The following PTPRO variants were observed in gnomAD, a reference collection of about 807,000 sequenced individuals.
PTPRO encodes receptor-type tyrosine-protein phosphatase O.
PTPRO carries 62 observed loss-of-function variants against 145.2 expected under a neutral mutation model. The ratio of observed to expected loss-of-function variants is 0.43; its 90% CI spans 0.35 to 0.53. The LOEUF is 0.53. Among genes scored for constraint, PTPRO ranks in the 20% least tolerant of loss-of-function variants. PTPRO has a pLI of 0.01. For synonymous variants in PTPRO, 565 were observed against 514.7 expected, an observed-to-expected ratio of 1.10 and a Z score of -1.32; for missense variants, 1,345 against 1,482.7, an observed-to-expected ratio of 0.91 and a Z score of 1.53.
At chr12:15,395,778 T>A (rs996671025) in intron 1 of PTPRO, among the ~76,000 whole-genome samples, 1 of 150,980 alleles carries the variant, frequency 6.6e-6, no homozygotes, top group South Asian at 2.1e-4. Flanking sequence ...TTATTGTTCC[T>A]TAATATATGA....
chr12:15,360,874 A>ATACATATATGTGTG, intron 1 of PTPRO, among the ~76,000 whole-genome samples: 2 of 139,650 alleles, frequency 1.4e-5, no homozygotes, highest in African/African-American at 2.6e-5. Context: ...ATGTGTGTAT[A>ATACATATATGTGTG]TACACACATA....
chr12:15,458,521 T>A (rs1296713189), intron 1 of PTPRO, among the ~76,000 whole-genome samples: 2 of 151,850 alleles, frequency 1.3e-5, no homozygotes, highest in Non-Finnish European at 2.9e-5. Flanking sequence ...TGAGCTTTTA[T>A]CACTCTTTTT....
At chr12:15,373,469 T>C (rs1253666558) in intron 1 of PTPRO, among the ~76,000 whole-genome samples, 2 of 152,206 alleles carry the variant, frequency 1.3e-5, no homozygotes, top group African/African-American at 4.8e-5. Context: ...GAAGTCTATA[T>C]GAATCTATTA....
intron 1 of PTPRO, among the ~76,000 whole-genome samples, chr12:15,381,901 C>G (rs1407905268): frequency 2.0e-5 from 3 of 151,924 alleles, no homozygotes; most frequent in Non-Finnish European, 4.4e-5. Flanking sequence ...AATTTTTAAA[C>G]TCTGAGTTTA....
intron 1 of PTPRO, among the ~76,000 whole-genome samples, chr12:15,425,626 T>G (rs1445407020): frequency 6.6e-6 from 1 of 152,170 alleles, no homozygotes; most frequent in African/African-American, 2.4e-5. Flanking sequence ...TGCAATGTAT[T>G]CTTGTGCATG....
At chr12:15,590,722 A>G (rs985410688) in intron 25 of PTPRO, among the ~76,000 whole-genome samples, 1 of 152,166 alleles carries the variant, frequency 6.6e-6, no homozygotes, top group African/African-American at 2.4e-5. Flanking sequence ...ATCCTCGTTA[A>G]TATTCAGACC....
intron 1 of PTPRO, among the ~76,000 whole-genome samples, chr12:15,433,171 C>CTTTTTTTTTTT (rs55746632): frequency 9.6e-6 from 1 of 103,644 alleles, no homozygotes; most frequent in Non-Finnish European, 2.0e-5. Context: ...CAGTTTGGGG[C>CTTTTTTTTTTT]TTTTTTTTTT....
intron 1 of PTPRO, among the ~76,000 whole-genome samples, chr12:15,390,687 T>C (rs539017710): frequency 5.0e-4 from 76 of 152,260 alleles, no homozygotes; most frequent in African/African-American, 1.7e-3. Context: ...CAAAGTGAGA[T>C]ACCATAAGGC....
At position 15,587,360 on chromosome 12, in the gene PTPRO, C is replaced by A. The variant is rs10846216; in HGVS notation, c.3410+309C>A. 0.18 allele frequency among the ~76,000 whole-genome samples: 26,686 copies of A among 152,068 alleles called. 2,520 individuals are homozygous for A. Among genetic ancestry groups the A allele is most frequent in the East Asian group, 0.26 (1,330 of 5,166 alleles). ...GGAGGAGTTAGTATTCAAATCCAGG[C>A]ATGCCAATCTGCAAAGATCATGCCC... On this transcript the variant is annotated intron_variant, in intron 24 of 26. Coordinates refer to ENST00000281171, the MANE Select transcript of PTPRO (RefSeq NM_030667.3).
Position 15,581,664 on chromosome 12 carries a change from T to C in PTPRO, c.3133-15T>C, listed in dbSNP as rs758530310. On this transcript the variant is annotated splice_polypyrimidine_tract_variant and intron_variant, in intron 22 of 26. Transcript: ENST00000281171. ...AGCCTGTTTGTTTTAAAAAATTGTT[T>C]TGTCCTTGCTCCAGGTGAAATGTGA... is the stretch of plus-strand genomic sequence containing the variant. The C allele has an allele frequency of 1.9e-6, 3 of 1,613,518 alleles. No homozygotes were observed. Among genetic ancestry groups the C allele is most frequent in the Non-Finnish European group, 2.5e-6 (3 of 1,179,634 alleles).
chr12:15,462,864 C>T (rs1177014425), intron 1 of PTPRO, among the ~76,000 whole-genome samples: 3 of 152,056 alleles, frequency 2.0e-5, no homozygotes. Context: ...CTAAAAATTT[C>T]TTTCTTACTT....
At chr12:15,330,679 T>A (rs886646793) in intron 1 of PTPRO, among the ~76,000 whole-genome samples, 1 of 152,184 alleles carries the variant, frequency 6.6e-6, no homozygotes, top group African/African-American at 2.4e-5. Flanking sequence ...CTCTTCCAGT[T>A]CTATAGTCAG....
At position 15,474,836 on chromosome 12, in the gene PTPRO, C is replaced by T. The variant is rs547945410; in HGVS notation, c.76-9138C>T. ...AGAATTTTCTCCTGAACATAGATTC[C>T]AGGAAAAGCTAAGGTAAAGAAGACA... is the stretch of plus-strand genomic sequence containing the variant. On this transcript the variant is annotated intron_variant, in intron 1 of 26. Transcript: ENST00000281171. 4.6e-5 allele frequency among the ~76,000 whole-genome samples: 7 copies of T among 152,254 alleles called. No homozygotes were observed. In the East Asian group the frequency reaches 1.4e-3, roughly 29 times the overall value.
At chr12:15,324,638 G>GA (rs1342785435) in intron 1 of PTPRO, among the ~76,000 whole-genome samples, 1 of 152,040 alleles carries the variant, frequency 6.6e-6, no homozygotes, top group East Asian at 1.9e-4. Context: ...AATTTTGTAA[G>GA]AAAAATCATT....
At chr12:15,551,804 T>C in intron 15 of PTPRO, 133 bp downstream of exon 15, 1 of 950,052 alleles carries the variant, frequency 1.1e-6, no homozygotes, top group Non-Finnish European at 1.6e-6. Flanking sequence ...GTTTCTATTG[T>C]GTGTGTTTTC....
At chr12:15,549,268 AATATAT>A in intron 14 of PTPRO, 42 bp downstream of exon 14, 2 of 1,372,364 alleles carry the variant, frequency 1.5e-6, no homozygotes, top group East Asian at 2.6e-5. Flanking sequence ...ACTTTTTTTG[AATATAT>A]ATATATATAT....
chr12:15,418,629 T>C (rs975554633), intron 1 of PTPRO, among the ~76,000 whole-genome samples: 1 of 151,704 alleles, frequency 6.6e-6, no homozygotes, highest in African/African-American at 2.4e-5. Context: ...GAAAAGGGGA[T>C]TCCTGGCAAG....
At chr12:15,324,202 G>T (rs970212251) in intron 1 of PTPRO, among the ~76,000 whole-genome samples, 1 of 152,048 alleles carries the variant, frequency 6.6e-6, no homozygotes, top group Non-Finnish European at 1.5e-5. Context: ...TGCAATAATT[G>T]TCATGAACCA....
At chr12:15,419,786 G>T (rs1244643604) in intron 1 of PTPRO, among the ~76,000 whole-genome samples, 3 of 150,822 alleles carry the variant, frequency 2.0e-5, no homozygotes, top group African/African-American at 7.4e-5. Flanking sequence ...GACAGAATTT[G>T]TCGAGATTAC....
Sources: allele counts gnomAD v4.1 joint callset (sites outside exome capture counted in the v4.1 genomes callset), GRCh38; gene constraint gnomAD v4.1.1; transcripts MANE v1.5; gene names NCBI Gene and HGNC (gene_info 2026-07-23, HGNC 2026-07-21).